Variants in LRMDA observed in about 807,000 individuals in gnomAD.
LRMDA encodes the protein leucine-rich melanocyte differentiation-associated protein.
LRMDA carries 18 observed loss-of-function variants against 29.8 expected under a neutral mutation model. The observed-to-expected ratio is 0.60, with a 90% CI of 0.42 to 0.90. The LOEUF is 0.90. Among genes scored for constraint, LRMDA ranks in the 40% least tolerant of loss-of-function variants. The probability of loss-of-function intolerance (pLI) is 0.00; values close to 1 mark genes in which losing one functional copy is unlikely to be tolerated. For synonymous variants in LRMDA, 125 were observed against 109.4 expected (o/e 1.14, Z -0.89); for missense variants, 273 against 273.9 (o/e 1.00, Z 0.02).
intron 2 of LRMDA, among the ~76,000 whole-genome samples, chr10:75,792,829 T>C (rs1316703761): frequency 6.6e-6 from 1 of 152,200 alleles, no homozygotes; most frequent in Non-Finnish European, 1.5e-5. Flanking sequence ...TGAGTTGATA[T>C]ATGAAAAGTG....
chr10:76,343,149 A>G (rs78081756), intron 6 of LRMDA, among the ~76,000 whole-genome samples: 11 of 152,294 alleles, frequency 7.2e-5, no homozygotes, highest in South Asian at 2.1e-4. Context: ...CATAACATGG[A>G]GCTGATCCCA....
At chr10:75,565,030 T>C (rs1840352234) in intron 2 of LRMDA, among the ~76,000 whole-genome samples, 1 of 152,196 alleles carries the variant, frequency 6.6e-6, no homozygotes, top group Non-Finnish European at 1.5e-5. Context: ...TCTGGCAACC[T>C]CTCTCTCAAA....
chr10:76,480,755 G>T (rs1842725876), intron 6 of LRMDA, among the ~76,000 whole-genome samples: 1 of 151,936 alleles, frequency 6.6e-6, no homozygotes, highest in Non-Finnish European at 1.5e-5. Context: ...TATGGGAGTT[G>T]TAACATTTTG....
At chr10:76,424,578 C>G (rs184661295) in intron 6 of LRMDA, among the ~76,000 whole-genome samples, 8 of 152,256 alleles carry the variant, frequency 5.3e-5, no homozygotes, top group African/African-American at 1.9e-4. Flanking sequence ...AGGACCACAA[C>G]AGTAACAATA....
chr10:75,570,830 G>C (rs887169993), intron 2 of LRMDA, among the ~76,000 whole-genome samples: 1 of 152,178 alleles, frequency 6.6e-6, no homozygotes, highest in African/African-American at 2.4e-5. Flanking sequence ...AATACTCTGA[G>C]AAGTCCTTTT....
At chr10:75,752,804 T>A (rs1204980411) in intron 2 of LRMDA, among the ~76,000 whole-genome samples, 1 of 152,216 alleles carries the variant, frequency 6.6e-6, no homozygotes, top group East Asian at 1.9e-4. Flanking sequence ...TCTTCTGGCC[T>A]ACTTTTTGTT....
intron 5 of LRMDA, among the ~76,000 whole-genome samples, chr10:76,187,197 A>G (rs1031352994): frequency 2.6e-5 from 4 of 152,156 alleles, no homozygotes; most frequent in Non-Finnish European, 4.4e-5. Context: ...GAGACTGTAA[A>G]TGTGTATTTT....
chr10:76,125,107 TC>T (rs1849857244), intron 5 of LRMDA, among the ~76,000 whole-genome samples: 1 of 152,090 alleles, frequency 6.6e-6, no homozygotes, highest in African/African-American at 2.4e-5. Flanking sequence ...AATTATCTTT[TC>T]TTTTGGCCTT....
intron 5 of LRMDA, among the ~76,000 whole-genome samples, chr10:76,131,122 G>A (rs1849985253): frequency 6.6e-6 from 1 of 152,198 alleles, no homozygotes; most frequent in African/African-American, 2.4e-5. Context: ...TAATGGGTGA[G>A]AGAGCTGCTC....
At chr10:75,540,085 T>C (rs1016334758) in intron 2 of LRMDA, among the ~76,000 whole-genome samples, 4 of 152,114 alleles carry the variant, frequency 2.6e-5, no homozygotes, top group African/African-American at 9.7e-5. Context: ...TAACAGATAA[T>C]AAAATTTCTG....
intron 5 of LRMDA, among the ~76,000 whole-genome samples, chr10:76,164,797 A>G (rs1332174863): frequency 6.6e-6 from 1 of 152,128 alleles, no homozygotes; most frequent in Non-Finnish European, 1.5e-5. Context: ...AATTCCTTTT[A>G]TTGAATTTAT....
intron 5 of LRMDA, among the ~76,000 whole-genome samples, chr10:76,096,759 C>A (rs909585798): frequency 6.6e-6 from 1 of 151,958 alleles, no homozygotes; most frequent in East Asian, 1.9e-4. Flanking sequence ...TAATTTAGAT[C>A]TTTTTATAAC....
chr10:75,702,888 C>T (rs1438557449), intron 2 of LRMDA, among the ~76,000 whole-genome samples: 1 of 152,110 alleles, frequency 6.6e-6, no homozygotes, highest in Non-Finnish European at 1.5e-5. Flanking sequence ...ACTCAACTGA[C>T]TAGTAAGCAC....
At chr10:76,411,151 A>C (rs1178070252) in intron 6 of LRMDA, among the ~76,000 whole-genome samples, 2 of 152,204 alleles carry the variant, frequency 1.3e-5, no homozygotes, top group Non-Finnish European at 2.9e-5. Flanking sequence ...TTATTAGAAA[A>C]GAATAAAAGG....
rs577730954 is a variant in LRMDA, at chr10:76,380,435, C to T, written c.601+55950C>T. ...CTGTAATCCCAGCACTTTGGGAGGC[C>T]GAGGCAGGCGGATCACAAGGTCAGG... On this transcript the variant is annotated intron_variant, in intron 6 of 6. Transcript: ENST00000611255. 3.4e-4 allele frequency among the ~76,000 whole-genome samples: 52 copies of T among 151,932 alleles called. 1 individual carries two copies. The South Asian group carries it at 7.7e-3, about 22-fold the overall frequency.
rs938305497 is a variant in LRMDA, at chr10:76,559,794, G to A, written c.*2506G>A. The A allele has an allele frequency of 6.6e-6, 1 of 152,216 alleles. No homozygotes were observed. The highest frequency in any genetic ancestry group is 1.5e-5 in the Non-Finnish European group (1 of 68,050). 9.4% of individuals were successfully genotyped at this position (152,216 alleles called of 1,614,324 possible). On this transcript the variant is annotated 3_prime_UTR_variant, in exon 7 of 7. Coordinates refer to ENST00000611255, the MANE Select transcript of LRMDA (RefSeq NM_001305581.2). ...GAGCTTGTTCTTTGGGGATTGTGGT[G>A]CCTGACATCACTGTCTTTCCTCCCC...
chr10:75,484,640 A>C (rs1032951246), intron 2 of LRMDA, among the ~76,000 whole-genome samples: 15 of 152,190 alleles, frequency 9.9e-5, no homozygotes, highest in Admixed American at 8.5e-4. Context: ...GAAGGTAATT[A>C]AGGTTAAATG....
chr10:75,662,251 T>A (rs1032184651), intron 2 of LRMDA, among the ~76,000 whole-genome samples: 11 of 152,194 alleles, frequency 7.2e-5, no homozygotes, highest in African/African-American at 2.7e-4. Context: ...CCAGCTCTGA[T>A]GAAGTAGAGA....
intron 6 of LRMDA, among the ~76,000 whole-genome samples, chr10:76,363,176 A>AGAAG (rs1459442138): frequency 0.021 from 454 of 21,778 alleles, 29 homozygotes; most frequent in Admixed American, 0.039. Flanking sequence ...AAAGAAAGAA[A>AGAAG]GGAGGGAGGG....
Sources: gnomAD v4.1 joint callset for allele counts (sites outside exome capture counted in the v4.1 genomes callset) on GRCh38, gnomAD v4.1.1 for gene constraint, MANE v1.5 for transcripts, NCBI Gene and HGNC (gene_info 2026-07-23, HGNC 2026-07-21) for gene names.